The following NUDT4 variants were observed in gnomAD, a reference collection of about 807,000 sequenced individuals.
The protein encoded by NUDT4 is nudix hydrolase 4, also known as diphosphoinositol polyphosphate phosphohydrolase 2.
NUDT4 carries 5 observed loss-of-function variants against 23.1 expected under a neutral mutation model. The observed-to-expected ratio is 0.22, with a 90% CI of 0.11 to 0.46. The LOEUF (loss-of-function observed/expected upper bound fraction) is 0.46. Ranked by LOEUF, NUDT4 falls within the 20% of genes least tolerant of loss-of-function variation. The probability of loss-of-function intolerance (pLI) is 0.99; values close to 1 mark genes in which losing one functional copy is unlikely to be tolerated. For synonymous variants in NUDT4, 50 were observed against 79.0 expected, an observed-to-expected ratio of 0.63 and a Z score of 1.95; for missense variants, 96 against 211.6, an observed-to-expected ratio of 0.45 and a Z score of 3.39.
Position 93,402,258 on chromosome 12 carries a change from ATAAAAATGGAAAAAATGATCATGGCTT to A in NUDT4, c.*2886_*2912del, listed in dbSNP as rs1207729201. 1 of 152,220 alleles carries A rather than the reference ATAAAAATGGAAAAAATGATCATGGCTT, an allele frequency of 6.6e-6. No individual in the cohort carries two copies. Among genetic ancestry groups the A allele is most frequent in the Admixed American group, 6.5e-5 (1 of 15,288 alleles). The allele number at this position is 152,220 out of a possible 1,614,324, so 9.4% of individuals were successfully genotyped here. A position where few individuals can be genotyped will look rare whatever the true frequency, so the allele number is the denominator to read the frequency against. On this transcript the variant is annotated 3_prime_UTR_variant, in exon 5 of 5. Coordinates refer to ENST00000415493, the MANE Select transcript of NUDT4 (RefSeq NM_019094.6). ...ACTTTTTTATATTTGGAAACATCAA[ATAAAAATGGAAAAAATGATCATGGCTT>A]TAAAAAAAAAACAAAAACACACACA...
intron 1 of NUDT4, chr12:93,378,707 A>G (rs914146439): frequency 1.2e-5 from 13 of 1,122,084 alleles, no homozygotes; most frequent in Middle Eastern, 3.7e-4. Flanking sequence ...AGTCTCGCCT[A>G]GCGGGAGTCA....
chr12:93,398,357 AAAGAAAAGAAC>A (rs1359053642), intron 3 of NUDT4, among the ~76,000 whole-genome samples: 3 of 143,318 alleles, frequency 2.1e-5, no homozygotes, highest in African/African-American at 8.9e-5. Context: ...AAAAAAAAAA[AAAGAAAAGAAC>A]ATCAGATATA....
intron 1 of NUDT4, among the ~76,000 whole-genome samples, chr12:93,387,106 GT>G (rs1482820696): frequency 6.6e-6 from 1 of 151,620 alleles, no homozygotes; most frequent in African/African-American, 2.4e-5. Flanking sequence ...TACTTTTTAT[GT>G]TTTTGGTAGA....
intron 1 of NUDT4, among the ~76,000 whole-genome samples, chr12:93,388,601 A>G (rs931689494): frequency 1.3e-5 from 2 of 152,228 alleles, no homozygotes; most frequent in African/African-American, 4.8e-5. Context: ...ACAAAAGTGA[A>G]TGGATTTAGT....
At chr12:93,383,792 A>G (rs1024617022) in intron 1 of NUDT4, among the ~76,000 whole-genome samples, 2 of 152,206 alleles carry the variant, frequency 1.3e-5, no homozygotes, top group South Asian at 4.1e-4. Context: ...AGATTGCGCC[A>G]CTGCACTCCA....
chr12:93,395,160 A>AT (rs1876844830), intron 2 of NUDT4, among the ~76,000 whole-genome samples: 1 of 151,666 alleles, frequency 6.6e-6, no homozygotes, highest in Non-Finnish European at 1.5e-5. Context: ...TAATTTTTGT[A>AT]TTTTTAGTAG....
chr12:93,391,053 ACTC>A (rs745949583), intron 1 of NUDT4, among the ~76,000 whole-genome samples: 3 of 151,778 alleles, frequency 2.0e-5, no homozygotes, highest in Non-Finnish European at 4.4e-5. Context: ...ATGAGAGAGG[ACTC>A]CTGTGCTGGC....
rs79614681 is a variant in NUDT4 at position 93,397,596 on chromosome 12, G to T, written c.256-1175G>T. Among the ~76,000 whole-genome samples the T allele has an allele frequency of 1.6e-3, 245 of 152,136 alleles. 6 individuals are homozygous for T. In the East Asian group the frequency reaches 0.038, roughly 23 times the overall value. Reference sequence around the variant, plus strand: ...GGCTTTAGTGCAGTGGCATGATCTGGGCTCATCGCCACGTCCGCCTCCTGG... The same window carrying T: ...GGCTTTAGTGCAGTGGCATGATCTGTGCTCATCGCCACGTCCGCCTCCTGG... On this transcript the variant is annotated intron_variant, in intron 3 of 4. Coordinates refer to ENST00000415493, the MANE Select transcript of NUDT4 (RefSeq NM_019094.6).
At position 93,378,306 on chromosome 12, in the gene NUDT4, A is replaced by G; in HGVS notation, c.-17A>G. On this transcript the variant is annotated 5_prime_UTR_variant, in exon 1 of 5. Transcript: ENST00000415493. Reference sequence around the variant, plus strand: ...CGGCGGCCGGAGCAGCAGCAGCAGCAGCAGGAGCCCGCCTCTATGATGAAG... The same window carrying G: ...CGGCGGCCGGAGCAGCAGCAGCAGCGGCAGGAGCCCGCCTCTATGATGAAG... 1 of 1,212,058 alleles carries G rather than the reference A, an allele frequency of 8.3e-7. No individual in the cohort carries two copies. The highest frequency in any genetic ancestry group is 1.1e-6 in the Non-Finnish European group (1 of 900,200). 75.1% of individuals were successfully genotyped at this position (1,212,058 alleles called of 1,614,324 possible).
At chr12:93,396,959 G>T (rs1388661765) in intron 3 of NUDT4, among the ~76,000 whole-genome samples, 1 of 152,136 alleles carries the variant, frequency 6.6e-6, no homozygotes, top group South Asian at 2.1e-4. Flanking sequence ...CCATCTCCTG[G>T]TTAAACTGAA....
At chr12:93,379,972 A>G (rs769191848) in intron 1 of NUDT4, among the ~76,000 whole-genome samples, 17 of 152,256 alleles carry the variant, frequency 1.1e-4, no homozygotes, top group Non-Finnish European at 1.8e-4. Flanking sequence ...CGCTGCCAGA[A>G]GAAAACTTGT....
At chr12:93,398,729 G>A in intron 3 of NUDT4, 42 bp from the exon 4 acceptor site, 1 of 1,374,254 alleles carries the variant, frequency 7.3e-7, no homozygotes, top group African/African-American at 1.4e-5. Flanking sequence ...TCCATGGCTA[G>A]CTCCTGTAGA....
At chr12:93,392,684 T>TTTTTTTTC (rs1555193956) in intron 1 of NUDT4, among the ~76,000 whole-genome samples, 32 of 101,586 alleles carry the variant, frequency 3.2e-4, no homozygotes, top group African/African-American at 1.1e-3. Context: ...TTTTTTTTTT[T>TTTTTTTTC]CCCCCGAGAT....
At chr12:93,382,639 A>G (rs1172993940) in intron 1 of NUDT4, among the ~76,000 whole-genome samples, 4 of 148,364 alleles carry the variant, frequency 2.7e-5, no homozygotes, top group Non-Finnish European at 5.9e-5. Flanking sequence ...AATGGAGACC[A>G]CTTTCATCAA....
chr12:93,402,860 T>A lies in NUDT4; in HGVS notation c.*3481T>A, dbSNP rs1877567881. 6.6e-6 allele frequency: 1 copy of A among 152,128 alleles called. No individual in the cohort carries two copies. The highest frequency in any genetic ancestry group is 1.5e-5 in the Non-Finnish European group (1 of 68,010). The allele number at this position is 152,128 out of a possible 1,614,324, so 9.4% of individuals were successfully genotyped here. A position where few individuals can be genotyped will look rare whatever the true frequency, so the allele number is the denominator to read the frequency against. On this transcript the variant is annotated 3_prime_UTR_variant, in exon 5 of 5. Coordinates refer to ENST00000415493, the MANE Select transcript of NUDT4 (RefSeq NM_019094.6). Reference sequence around the variant, plus strand: ...TAAGTCACCGCCCCACCCGCCGCATTACATTTCCTAAAACATACTGCTGCC... The same window carrying A: ...TAAGTCACCGCCCCACCCGCCGCATAACATTTCCTAAAACATACTGCTGCC...
chr12:93,400,854 G>C lies in NUDT4; in HGVS notation c.*1475G>C, dbSNP rs1176181384. Reference sequence around the variant, plus strand: ...AAACTCCTAACCTCGTGATCCGCCTGCCTCGACCTCCCAAAGTGCTGGGAT... The same window carrying C: ...AAACTCCTAACCTCGTGATCCGCCTCCCTCGACCTCCCAAAGTGCTGGGAT... On this transcript the variant is annotated 3_prime_UTR_variant, in exon 5 of 5. Transcript: ENST00000415493. 1 of 152,768 alleles carries C rather than the reference G, an allele frequency of 6.5e-6. No individual in the cohort carries two copies. Among genetic ancestry groups the C allele is most frequent in the Non-Finnish European group, 1.5e-5 (1 of 68,416 alleles). The allele number at this position is 152,768 out of a possible 1,614,324, so 9.5% of individuals were successfully genotyped here.
chr12:93,392,927 C>T (rs1467416366), intron 1 of NUDT4, among the ~76,000 whole-genome samples: 1 of 136,434 alleles, frequency 7.3e-6, no homozygotes, highest in Non-Finnish European at 1.6e-5. Flanking sequence ...GTGATCTGCC[C>T]ACCTCAGCCT....
chr12:93,394,485 T>C, intron 1 of NUDT4, 124 bp from the exon 2 acceptor site: 1 of 540,490 alleles, frequency 1.9e-6, no homozygotes. Flanking sequence ...ACCCCCTAAT[T>C]TTAATTAAAT....
intron 2 of NUDT4, 144 bp from the exon 3 acceptor site, chr12:93,395,345 C>T (rs1876859792): frequency 3.0e-6 from 2 of 673,050 alleles, no homozygotes; most frequent in Admixed American, 5.3e-5. Context: ...ATAAAAACTT[C>T]ACAGAAGCAG....
Sources: allele counts gnomAD v4.1 joint callset (sites outside exome capture counted in the v4.1 genomes callset), GRCh38; gene constraint gnomAD v4.1.1; transcripts MANE v1.5; gene names NCBI Gene and HGNC (gene_info 2026-07-23, HGNC 2026-07-21).